Variants in METTL15 observed in about 807,000 individuals in gnomAD.
METTL15 encodes 12S rRNA N(4)-cytidine methyltransferase METTL15.
Under a neutral mutation model 38.3 loss-of-function variants are expected in METTL15, and 34 were observed. The ratio of observed to expected loss-of-function variants is 0.89; its 90% CI spans 0.68 to 1.18. The LOEUF is 1.18. METTL15 is among the 50% of genes most tolerant of loss of function. The pLI is 0.00. For synonymous variants in METTL15, 162 were observed against 170.9 expected, an observed-to-expected ratio of 0.95 and a Z score of 0.41; for missense variants, 438 against 498.4, an observed-to-expected ratio of 0.88 and a Z score of 1.15.
intron 4 of METTL15, among the ~76,000 whole-genome samples, chr11:28,218,600 A>G (rs890981636): frequency 6.8e-4 from 103 of 152,228 alleles, no homozygotes; most frequent in African/African-American, 2.3e-3. Context: ...ACTGTGTTGA[A>G]TAGGAGTAGT....
In METTL15 at chr11:28,159,058, C is replaced by T. The variant is rs190021578; in HGVS notation, c.270+45454C>T. Reference sequence around the variant, plus strand: ...GCAAAATTTTTGCTTCCTGTTCCCGCGACATTACTTTCTGCTGGCACAGAG... The same window carrying T: ...GCAAAATTTTTGCTTCCTGTTCCCGTGACATTACTTTCTGCTGGCACAGAG... On this transcript the variant is annotated intron_variant, in intron 3 of 6. Transcript: ENST00000407364. 2.7e-3 allele frequency among the ~76,000 whole-genome samples: 413 copies of T among 152,156 alleles called. 2 individuals are homozygous for T. Among genetic ancestry groups the T allele is most frequent in the Non-Finnish European group, 4.6e-3 (315 of 68,000 alleles).
At chr11:28,242,011 A>G (rs1854320650) in intron 4 of METTL15, among the ~76,000 whole-genome samples, 1 of 152,216 alleles carries the variant, frequency 6.6e-6, no homozygotes, top group South Asian at 2.1e-4. Flanking sequence ...TCTGACTGCT[A>G]TGTTGAGTAC....
chr11:28,434,865 ATTCCC>A (rs10580772), intron 6 of METTL15, among the ~76,000 whole-genome samples: 9,837 of 152,204 alleles, frequency 0.065, 433 homozygotes, highest in African/African-American at 0.13. Context: ...TGTGTCTTTC[ATTCCC>A]TTCAGCAGGC....
At chr11:28,524,197 T>G (rs972427196) in intron 6 of METTL15, among the ~76,000 whole-genome samples, 4 of 152,262 alleles carry the variant, frequency 2.6e-5, no homozygotes, top group Admixed American at 1.3e-4. Context: ...CAAAAATTTT[T>G]GATTTTTTTG....
intron 6 of METTL15, among the ~76,000 whole-genome samples, chr11:28,439,336 G>T (rs1187370538): frequency 6.6e-6 from 1 of 152,140 alleles, no homozygotes; most frequent in Non-Finnish European, 1.5e-5. Context: ...CTTCCTGCTA[G>T]CAAAAGAATA....
At chr11:28,362,462 G>T (rs1850147989) in intron 5 of METTL15, among the ~76,000 whole-genome samples, 1 of 152,102 alleles carries the variant, frequency 6.6e-6, no homozygotes, top group Non-Finnish European at 1.5e-5. Context: ...CCCAACAGGT[G>T]GTTCTTCAGC....
chr11:28,143,225 G>A (rs1444000625), intron 3 of METTL15, among the ~76,000 whole-genome samples: 1 of 152,072 alleles, frequency 6.6e-6, no homozygotes, highest in Non-Finnish European at 1.5e-5. Flanking sequence ...ATGAGACAAA[G>A]ATTTACCAGA....
intron 6 of METTL15, among the ~76,000 whole-genome samples, chr11:28,310,351 T>TACAC (rs111303962): frequency 0.022 from 3,251 of 147,086 alleles, 63 homozygotes; most frequent in African/African-American, 0.051. Flanking sequence ...TGTTCAGAGG[T>TACAC]ACACACACAC....
intron 4 of METTL15, chr11:28,287,556 C>G (rs1472926747): frequency 3.5e-6 from 1 of 284,370 alleles, no homozygotes; most frequent in Non-Finnish European, 6.8e-6. Flanking sequence ...TAATAAGAAC[C>G]TCATTTGCCT....
At chr11:28,452,344 T>C (rs571011339) in intron 6 of METTL15, among the ~76,000 whole-genome samples, 3 of 152,234 alleles carry the variant, frequency 2.0e-5, no homozygotes, top group African/African-American at 7.2e-5. Context: ...GCTGATGTTA[T>C]AAATGGTCTG....
chr11:28,477,503 A>G (rs1851357013), intron 6 of METTL15: 1 of 152,162 alleles, frequency 6.6e-6, no homozygotes, highest in Non-Finnish European at 1.5e-5. Context: ...TGTTGTAAGG[A>G]TAACTGTATT....
intron 4 of METTL15, among the ~76,000 whole-genome samples, chr11:28,354,357 T>C (rs1850071841): frequency 6.6e-6 from 1 of 152,166 alleles, no homozygotes; most frequent in Non-Finnish European, 1.5e-5. Flanking sequence ...GAGAATAGTA[T>C]GTTGGAGCAG....
intron 6 of METTL15, among the ~76,000 whole-genome samples, chr11:28,430,429 C>T (rs1850910395): frequency 1.6e-5 from 1 of 62,096 alleles, no homozygotes; most frequent in Non-Finnish European, 3.5e-5. Context: ...AGGGGCGCCT[C>T]TGCCCGGCCG....
At chr11:28,512,811 A>C (rs1018683781) in intron 6 of METTL15, among the ~76,000 whole-genome samples, 8 of 152,230 alleles carry the variant, frequency 5.3e-5, no homozygotes, top group African/African-American at 1.9e-4. Flanking sequence ...GGGCTCTTCA[A>C]GTGCTGCCAA....
At chr11:28,384,445 A>T (rs1160304683) in intron 5 of METTL15, among the ~76,000 whole-genome samples, 1 of 151,904 alleles carries the variant, frequency 6.6e-6, no homozygotes, top group African/African-American at 2.4e-5. Context: ...AGTAGCTGGG[A>T]TTACAGACAT....
chr11:28,275,621 G>A (rs189090498), intron 4 of METTL15, among the ~76,000 whole-genome samples: 4 of 140,314 alleles, frequency 2.9e-5, no homozygotes, highest in African/African-American at 8.3e-5. Flanking sequence ...TCACCCTGAC[G>A]TCAAAACCAG....
intron 4 of METTL15, among the ~76,000 whole-genome samples, chr11:28,276,913 A>G (rs992642473): frequency 3.3e-5 from 5 of 152,154 alleles, no homozygotes; most frequent in African/African-American, 1.2e-4. Context: ...ATAAAAATCA[A>G]CTCAACATGA....
intron 6 of METTL15, among the ~76,000 whole-genome samples, chr11:28,495,079 T>C (rs1003930921): frequency 2.6e-5 from 4 of 152,248 alleles, no homozygotes; most frequent in Admixed American, 1.3e-4. Flanking sequence ...CAAATATCTA[T>C]TGTGCATCTA....
chr11:28,185,507 A>G (rs1361772204), intron 3 of METTL15, among the ~76,000 whole-genome samples: 2 of 151,450 alleles, frequency 1.3e-5, no homozygotes, highest in African/African-American at 4.8e-5. Flanking sequence ...TTACTAGTAT[A>G]TTATAACTGT....
Sources: allele counts gnomAD v4.1 joint callset (sites outside exome capture counted in the v4.1 genomes callset), GRCh38; gene constraint gnomAD v4.1.1; transcripts MANE v1.5; gene names NCBI Gene and HGNC (gene_info 2026-07-23, HGNC 2026-07-21).